The following SPATA6L variants were observed in gnomAD, a reference collection of about 807,000 sequenced individuals.
SPATA6L encodes spermatogenesis associated 6 like.
In SPATA6L, 68 loss-of-function variants were observed where a neutral mutation model predicts 49.2. The observed-to-expected ratio is 1.38, with a 90% CI of 1.14 to 1.69. The LOEUF is 1.69. Among genes scored for constraint, SPATA6L ranks in the 40% most tolerant of loss-of-function variants. SPATA6L has a pLI of 0.00. For missense variants in SPATA6L, 668 were observed against 464.3 expected, an observed-to-expected ratio of 1.44 and a Z score of -4.03; for synonymous variants, 198 against 165.7, an observed-to-expected ratio of 1.19 and a Z score of -1.50.
At position 4,666,369 on chromosome 9, in the gene SPATA6L, C is replaced by G; in HGVS notation, c.-119G>C. The G allele has an allele frequency of 9.3e-7, 1 of 1,072,980 alleles. No homozygotes were observed. Among genetic ancestry groups the G allele is most frequent in the South Asian group, 1.3e-5 (1 of 74,682 alleles). The allele number at this position is 1,072,980 out of a possible 1,614,324, so 66.5% of individuals were successfully genotyped here. ...AAATGTTCCCAGAAGCTTCCCCAGT[C>G]CCACGCCCTTGTTCCCCTACCGTCC... On this transcript the variant is annotated 5_prime_UTR_variant, in exon 1 of 12. Coordinates refer to ENST00000682582, the MANE Select transcript of SPATA6L (RefSeq NM_001353486.2).
downstream of SPATA6L, among the ~76,000 whole-genome samples, chr9:4,595,153 T>C (rs1309270944): frequency 1.3e-5 from 2 of 152,216 alleles, no homozygotes; most frequent in Non-Finnish European, 2.9e-5. Flanking sequence ...TACCTCATTC[T>C]GCTGACTAAG....
At chr9:4,644,784 T>A (rs945342687) in intron 3 of SPATA6L, among the ~76,000 whole-genome samples, 14 of 151,790 alleles carry the variant, frequency 9.2e-5, no homozygotes, top group Non-Finnish European at 1.9e-4. Context: ...TTTATGAGAA[T>A]TGGTGCCACT....
downstream of SPATA6L, among the ~76,000 whole-genome samples, chr9:4,594,816 C>G (rs1822138074): frequency 6.6e-6 from 1 of 152,024 alleles, no homozygotes; most frequent in Admixed American, 6.6e-5. Flanking sequence ...TTTGATAATC[C>G]TCTAAATTCT....
At chr9:4,654,868 GC>G (rs145878621) in intron 3 of SPATA6L, among the ~76,000 whole-genome samples, 10,802 of 152,112 alleles carry the variant, frequency 0.071, 880 homozygotes, top group African/African-American at 0.19. Flanking sequence ...CAACATTTGG[GC>G]GGGAAAGCAG....
chr9:4,661,948 A>T lies in SPATA6L; in HGVS notation c.128T>A (p.Phe43Tyr), dbSNP rs1839884346. The change falls in exon 2 of 12, where the codon TTT (phenylalanine) becomes TAT (tyrosine). Residue 43 changes from phenylalanine to tyrosine, a missense_variant. Physicochemically the swap from Phe to Tyr is conservative, Grantham distance 22. Coordinates refer to ENST00000682582, the MANE Select transcript of SPATA6L (RefSeq NM_001353486.2). ...AATCATAATGGGGAACGCAGAGGGA[A>T]AGCTGTTGGTCTCCAGGTACTGATT... is the stretch of plus-strand genomic sequence containing the variant. ...LMNQYLETNSFPSAFPIMIQE... is the reference protein window; with the variant it reads ...LMNQYLETNSYPSAFPIMIQE... 1 of 1,614,076 alleles carries T rather than the reference A, an allele frequency of 6.2e-7. No homozygotes were observed. The highest frequency in any genetic ancestry group is 2.2e-5 in the East Asian group (1 of 44,886).
At chr9:4,625,685 C>G in intron 5 of SPATA6L, 119 bp from the exon 6 acceptor site, 1 of 620,016 alleles carries the variant, frequency 1.6e-6, no homozygotes. Flanking sequence ...TAACACACCT[C>G]AGATTTATAA....
intron 3 of SPATA6L, among the ~76,000 whole-genome samples, chr9:4,645,205 C>T (rs145214024): frequency 0.01 from 1,548 of 152,238 alleles, 28 homozygotes; most frequent in African/African-American, 0.035. Context: ...TTACCATATA[C>T]CCCATTCCCA....
intron 9 of SPATA6L, 83 bp downstream of exon 9, chr9:4,617,840 G>A: frequency 8.6e-7 from 1 of 1,164,720 alleles, no homozygotes; most frequent in Non-Finnish European, 1.2e-6. Flanking sequence ...TCCTAAGAAA[G>A]GAAGCTGGTG....
In SPATA6L at chr9:4,662,128, G is replaced by A. The variant is rs372066464; in HGVS notation, c.40-92C>T. Reference sequence around the variant, plus strand: ...GCTCTATTTCTCTTAAGCTCCTACAGACACTGACATTTTCCCCATCACCTC... The same window carrying A: ...GCTCTATTTCTCTTAAGCTCCTACAAACACTGACATTTTCCCCATCACCTC... On this transcript the variant is annotated intron_variant, in intron 1 of 11. Coordinates refer to ENST00000682582, the MANE Select transcript of SPATA6L (RefSeq NM_001353486.2). The surrounding 1 kb of genome is among the most constrained non-coding windows in gnomAD (Gnocchi z 4.9). 2.0e-6 allele frequency: 3 copies of A among 1,519,202 alleles called. No homozygotes were observed. Among genetic ancestry groups the A allele is most frequent in the Middle Eastern group, 1.8e-4 (1 of 5,702 alleles). 94.1% of individuals were successfully genotyped at this position (1,519,202 alleles called of 1,614,324 possible).
rs770646682 is a variant in SPATA6L at position 4,629,080 on chromosome 9, A to G, written c.429+11T>C. 1 of 1,574,152 alleles carries G rather than the reference A, an allele frequency of 6.4e-7. No individual in the cohort carries two copies. The highest frequency in any genetic ancestry group is 1.1e-5 in the South Asian group (1 of 88,120). ...CGGTCATTTCTATCACTAGATTTGT[A>G]TTGTACTTACAAGAAATCTGTTTCT... On this transcript the variant is annotated intron_variant, in intron 5 of 11. Coordinates refer to ENST00000682582, the MANE Select transcript of SPATA6L (RefSeq NM_001353486.2).
intron 9 of SPATA6L, among the ~76,000 whole-genome samples, chr9:4,615,211 T>C (rs1018662912): frequency 6.6e-6 from 1 of 152,254 alleles, no homozygotes; most frequent in Admixed American, 6.5e-5. Context: ...CCAGTAACTT[T>C]TGTTCCACAC....
rs912130041 is a variant in SPATA6L, at chr9:4,600,493, CAG to C, written c.*316_*317del. The C allele has an allele frequency of 3.7e-5, 5 of 133,620 alleles. No individual in the cohort carries two copies. The highest frequency in any genetic ancestry group is 7.7e-5 in the Admixed American group (1 of 12,954). 8.3% of individuals were successfully genotyped at this position (133,620 alleles called of 1,614,324 possible). A position where few individuals can be genotyped will look rare whatever the true frequency, so the allele number is the denominator to read the frequency against. ...AGAGACAGAGAGAGCCAGAGAGAGCCAGAGAGAGAGAGAGGGGAAGTGTTCAG... is the reference window on the plus strand; with the variant it reads ...AGAGACAGAGAGAGCCAGAGAGAGCCAGAGAGAGAGAGGGGAAGTGTTCAG... On this transcript the variant is annotated 3_prime_UTR_variant, in exon 12 of 12. Coordinates refer to ENST00000682582, the MANE Select transcript of SPATA6L (RefSeq NM_001353486.2).
At position 4,662,221 on chromosome 9, in the gene SPATA6L, C is replaced by A; in HGVS notation, c.40-185G>T. On this transcript the variant is annotated intron_variant, in intron 1 of 11. Transcript: ENST00000682582. This position sits in a 1 kb window ranked among gnomAD's most constrained non-coding sequence, Gnocchi z 4.9. ...GCTCTCCTCACATTGGAAATTCCAA[C>A]TCCCTCCCACGTCTCCACCAGGTGT... 7.0e-7 allele frequency: 1 copy of A among 1,434,838 alleles called. No individual in the cohort carries two copies. Among genetic ancestry groups the A allele is most frequent in the Non-Finnish European group, 9.1e-7 (1 of 1,099,328 alleles). 88.9% of individuals were successfully genotyped at this position (1,434,838 alleles called of 1,614,324 possible).
At chr9:4,612,037 G>T (rs1826883915) in intron 9 of SPATA6L, among the ~76,000 whole-genome samples, 1 of 151,562 alleles carries the variant, frequency 6.6e-6, no homozygotes, top group Admixed American at 6.6e-5. Context: ...AAGAGATAGG[G>T]TCTTGCTACC....
downstream of SPATA6L, among the ~76,000 whole-genome samples, chr9:4,594,315 T>C (rs1011099580): frequency 5.9e-5 from 9 of 152,186 alleles, no homozygotes; most frequent in African/African-American, 2.2e-4. Flanking sequence ...GTTCATGCCA[T>C]TCTCCTGCCT....
chr9:4,632,565 C>T (rs1032741116), intron 4 of SPATA6L, among the ~76,000 whole-genome samples: 1 of 146,824 alleles, frequency 6.8e-6, no homozygotes, highest in Non-Finnish European at 1.5e-5. Context: ...CACTGCACTC[C>T]AGCCTGGGCA....
At chr9:4,590,482 C>G (rs1227383502) in intron 13 of SPATA6L, among the ~76,000 whole-genome samples, 1 of 152,310 alleles carries the variant, frequency 6.6e-6, no homozygotes, top group East Asian at 1.9e-4. Flanking sequence ...GTTTCATCTA[C>G]AAATCTCCGC....
chr9:4,626,218 T>G (rs1327939024), intron 5 of SPATA6L: 2 of 289,974 alleles, frequency 6.9e-6, no homozygotes, highest in African/African-American at 4.4e-5. Context: ...CCTTAACAGC[T>G]GCAAATGGCT....
intron 6 of SPATA6L, among the ~76,000 whole-genome samples, chr9:4,622,848 C>T (rs1002241929): frequency 4.4e-4 from 67 of 152,214 alleles, no homozygotes; most frequent in Non-Finnish European, 8.8e-5. Context: ...AATAGGACAA[C>T]GTTTCACATT....
Sources: gnomAD v4.1 joint callset for allele counts (sites outside exome capture counted in the v4.1 genomes callset) on GRCh38, gnomAD v4.1.1 for gene constraint, Gnocchi (gnomAD v3.1) non-coding constraint, MANE v1.5 for transcripts, NCBI Gene and HGNC (gene_info 2026-07-23, HGNC 2026-07-21) for gene names.